Variants in DOLPP1 observed in about 807,000 individuals in gnomAD.
The protein encoded by DOLPP1 is dolichyldiphosphatase 1.
DOLPP1 carries 15 observed loss-of-function variants against 34.1 expected under a neutral mutation model. The ratio of observed to expected loss-of-function variants is 0.44; its 90% confidence interval spans 0.29 to 0.68. The LOEUF (loss-of-function observed/expected upper bound fraction) is 0.68. Ranked by LOEUF, DOLPP1 falls within the 30% of genes least tolerant of loss-of-function variation. The pLI is 0.12. For missense variants in DOLPP1, 249 were observed against 307.1 expected (o/e 0.81, Z 1.41); for synonymous variants, 130 against 128.2 (o/e 1.01, Z -0.10).
rs761404222 is a variant in DOLPP1, at chr9:129,089,577, C to T, written c.*570C>T. 1.2e-4 allele frequency: 19 copies of T among 155,818 alleles called. No individual in the cohort carries two copies. Among genetic ancestry groups the T allele is most frequent in the Non-Finnish European group, 2.0e-4 (14 of 70,044 alleles). The allele number at this position is 155,818 out of a possible 1,614,324, so 9.7% of individuals were successfully genotyped here. On this transcript the variant is annotated 3_prime_UTR_variant, in exon 8 of 8. Coordinates refer to ENST00000372546, the MANE Select transcript of DOLPP1 (RefSeq NM_020438.5). The surrounding 1 kb of genome is among the most constrained non-coding windows in gnomAD (Gnocchi z 4.9). The stretch of plus-strand genomic sequence containing the variant: ...GCATACCCCACACCCTCCCTGCCAC[C>T]GTTGCCGTTCCAGAACCTCGGTCAG...
intron 1 of DOLPP1, among the ~76,000 whole-genome samples, chr9:129,084,397 TC>T (rs1313547669): frequency 5.9e-5 from 9 of 152,238 alleles, no homozygotes; most frequent in Non-Finnish European, 1.2e-4. Flanking sequence ...GCTCTGGAAT[TC>T]AGTTTCTTCA....
Position 129,089,726 on chromosome 9 carries a change from T to G in DOLPP1, c.*719T>G, listed in dbSNP as rs906943783. On this transcript the variant is annotated 3_prime_UTR_variant, in exon 8 of 8. Transcript: ENST00000372546. This position sits in a 1 kb window ranked among gnomAD's most constrained non-coding sequence, Gnocchi z 4.9. The stretch of plus-strand genomic sequence containing the variant: ...CTCTGGTCCCCTGTCCCTAAGACAA[T>G]AATCGCTTTCTGACAAAGGAGCCTG... 2 of 152,700 alleles carry G rather than the reference T, an allele frequency of 1.3e-5. No individual in the cohort carries two copies. The highest frequency in any genetic ancestry group is 4.8e-5 in the African/African-American group (2 of 41,464). 9.5% of individuals were successfully genotyped at this position (152,700 alleles called of 1,614,324 possible). A position where few individuals can be genotyped will look rare whatever the true frequency, so the allele number is the denominator to read the frequency against.
intron 1 of DOLPP1, among the ~76,000 whole-genome samples, chr9:129,081,469 G>A (rs1268243145): frequency 6.6e-6 from 1 of 152,154 alleles, no homozygotes; most frequent in Non-Finnish European, 1.5e-5. Context: ...CCGGGGCGCC[G>A]GTGGGCTGAA....
intron 1 of DOLPP1, 192 bp from the exon 2 acceptor site, chr9:129,084,476 G>A (rs1482882539): frequency 4.4e-6 from 3 of 678,466 alleles, no homozygotes; most frequent in African/African-American, 3.5e-5. Flanking sequence ...GTGCTAAGTA[G>A]TAGACAGCAT....
intron 6 of DOLPP1, among the ~76,000 whole-genome samples, chr9:129,086,484 C>T (rs146419863): frequency 2.5e-4 from 38 of 152,328 alleles, no homozygotes; most frequent in African/African-American, 7.5e-4. Flanking sequence ...GACTTAGAAG[C>T]CTGAGTCCTG....
At position 129,086,315 on chromosome 9, in the gene DOLPP1, G is replaced by A. The variant is rs770374040; in HGVS notation, c.590+48G>A. The A allele has an allele frequency of 3.1e-6, 5 of 1,606,328 alleles. No homozygotes were observed. The South Asian group carries it at 5.5e-5, about 18-fold the overall frequency. ...GGCACTGTGGGCCCTGTCCCCTCCT[G>A]TGGGTGGGGCCATCAGTGGGCGGAC... On this transcript the variant is annotated intron_variant, in intron 6 of 7. Coordinates refer to ENST00000372546, the MANE Select transcript of DOLPP1 (RefSeq NM_020438.5).
rs1001873509 is a variant in DOLPP1 at position 129,085,962 on chromosome 9, T to G, written c.462-177T>G. 6.6e-6 allele frequency among the ~76,000 whole-genome samples: 1 copy of G among 152,166 alleles called. No individual in the cohort carries two copies. Among genetic ancestry groups the G allele is most frequent in the African/African-American group, 2.4e-5 (1 of 41,436 alleles). On this transcript the variant is annotated intron_variant, in intron 5 of 7. Transcript: ENST00000372546. The surrounding 1 kb of genome is among the most constrained non-coding windows in gnomAD (Gnocchi z 7.0). The stretch of plus-strand genomic sequence containing the variant: ...ACAGATGGGAGAGCTGTGTTTGGGG[T>G]CCAGCGCCCTCCCACTTGGAAATGG...
rs377053379 is a variant in DOLPP1 at position 129,085,351 on chromosome 9, C to T, written c.362+45C>T. 579 of 1,585,006 alleles carry T rather than the reference C, an allele frequency of 3.7e-4. 1 individual carries two copies. In the South Asian group the frequency reaches 4.6e-3, roughly 13 times the overall value. On this transcript the variant is annotated intron_variant, in intron 4 of 7. Transcript: ENST00000372546. The surrounding 1 kb of genome is among the most constrained non-coding windows in gnomAD (Gnocchi z 7.0). The stretch of plus-strand genomic sequence containing the variant: ...AGGATGGCCCTGAACTTGCTCAGGC[C>T]GAGTTCTGCTAGGGACTCACTGCTA...
At chr9:129,087,385 G>A (rs938922756) in intron 7 of DOLPP1, among the ~76,000 whole-genome samples, 4 of 148,020 alleles carry the variant, frequency 2.7e-5, no homozygotes, top group African/African-American at 5.0e-5. Flanking sequence ...GCGCGATCTC[G>A]GCTCACTGCA....
At chr9:129,084,614 C>A in intron 1 of DOLPP1, 54 bp from the exon 2 acceptor site, 1 of 1,274,280 alleles carries the variant, frequency 7.8e-7, no homozygotes, top group Non-Finnish European at 1.2e-6. Context: ...GGGGGCTGGT[C>A]CCTCTTCTGA....
Position 129,086,214 on chromosome 9 carries a change from G to T in DOLPP1, c.537G>T (p.Trp179Cys). The change falls in exon 6 of 8, where the codon TGG (tryptophan) becomes TGT (cysteine). Residue 179 changes from tryptophan (W) to cysteine (C), a missense_variant. Trp to Cys is a radical substitution (Grantham distance 215). Transcript: ENST00000372546. Reference protein sequence around the residue: ...GIAGGLMAIAWFIFTQEVLTP... With the variant: ...GIAGGLMAIACFIFTQEVLTP... ...CTGGAGGCCTCATGGCCATCGCCTG[G>T]TTCATCTTCACCCAGGAGGTCCTCA... 6.2e-7 allele frequency: 1 copy of T among 1,613,606 alleles called. No homozygotes were observed. Among genetic ancestry groups the T allele is most frequent in the Non-Finnish European group, 8.5e-7 (1 of 1,179,994 alleles).
chr9:129,084,571 G>C, intron 1 of DOLPP1, 97 bp from the exon 2 acceptor site: 1 of 928,802 alleles, frequency 1.1e-6, no homozygotes. Flanking sequence ...AGGCCCTGCC[G>C]GGACCTCCTT....
Position 129,086,159 on chromosome 9 carries a change from C to G in DOLPP1, c.482C>G (p.Thr161Ser). Residue 161 changes from threonine to serine, a missense_variant, in exon 6 of 8, where the codon ACC (threonine) becomes AGC (serine). Physicochemically the swap from Thr to Ser is moderately conservative, Grantham distance 58 (BLOSUM62 1). Coordinates refer to ENST00000372546, the MANE Select transcript of DOLPP1 (RefSeq NM_020438.5). ...SYSRVYLLYH[T>S]WSQVLYGGIA... ...CCCAGGGTCTACCTGCTGTACCACA[C>G]CTGGAGCCAGGTGCTCTATGGAGGC... 6.2e-7 allele frequency: 1 copy of G among 1,613,446 alleles called. No homozygotes were observed. The highest frequency in any genetic ancestry group is 8.5e-7 in the Non-Finnish European group (1 of 1,179,876).
intron 1 of DOLPP1, among the ~76,000 whole-genome samples, chr9:129,083,237 A>G (rs1366588542): frequency 1.3e-5 from 2 of 152,178 alleles, no homozygotes; most frequent in Non-Finnish European, 2.9e-5. Flanking sequence ...CCCTGGTAGC[A>G]TCTTCAGGAA....
At chr9:129,084,575 C>T (rs1588430988) in intron 1 of DOLPP1, 93 bp from the exon 2 acceptor site, 2 of 956,776 alleles carry the variant, frequency 2.1e-6, no homozygotes, top group East Asian at 4.8e-5. Context: ...CCTGCCGGGA[C>T]CTCCTTTCTG....
chr9:129,085,080 G>A lies in DOLPP1; in HGVS notation c.235G>A (p.Val79Ile), dbSNP rs1489735834. The change falls in exon 3 of 8, where the codon GTC becomes ATC. Residue 79 changes from valine to isoleucine, a missense_variant. Coordinates refer to ENST00000372546, the MANE Select transcript of DOLPP1 (RefSeq NM_020438.5). This position sits in a 1 kb window ranked among gnomAD's most constrained non-coding sequence, Gnocchi z 7.0. ...NEGVNWLIKNVIQEPRPCGGP... is the reference protein window; with the variant it reads ...NEGVNWLIKNIIQEPRPCGGP... ...GGGGGTCAACTGGCTGATCAAAAAC[G>A]TCATCCAGGAGCCACGGCCCTGTGG... is the stretch of plus-strand genomic sequence containing the variant. The A allele has an allele frequency of 5.0e-6, 8 of 1,591,968 alleles. No homozygotes were observed. The highest frequency in any genetic ancestry group is 4.5e-5 in the East Asian group (2 of 44,702).
rs971013429 is a variant in DOLPP1 at position 129,089,275 on chromosome 9, G to C, written c.*268G>C. On this transcript the variant is annotated 3_prime_UTR_variant, in exon 8 of 8. Transcript: ENST00000372546. The surrounding 1 kb of genome is among the most constrained non-coding windows in gnomAD (Gnocchi z 4.9). ...CTGCCAGCCCCTGGCTGGGCAGAAA[G>C]TGCCCTCGGCATGGGCACCTGGGTG... is the stretch of plus-strand genomic sequence containing the variant. 5.0e-6 allele frequency: 2 copies of C among 401,530 alleles called. No individual in the cohort carries two copies. The highest frequency in any genetic ancestry group is 7.9e-5 in the East Asian group (2 of 25,420). 24.9% of individuals were successfully genotyped at this position (401,530 alleles called of 1,614,324 possible). A position where few individuals can be genotyped will look rare whatever the true frequency, so the allele number is the denominator to read the frequency against.
chr9:129,088,903 G>T, intron 7 of DOLPP1, 68 bp from the exon 8 acceptor site: 1 of 1,528,012 alleles, frequency 6.5e-7, no homozygotes. Context: ...ACTACGGGTG[G>T]GGTGGGGACA....
In DOLPP1 at chr9:129,085,322, G is replaced by T. The variant is rs777343699; in HGVS notation, c.362+16G>T. ...TGTATTTAAGGTGAGTTTCCACCCC[G>T]GTCAGGATGGCCCTGAACTTGCTCA... On this transcript the variant is annotated intron_variant, in intron 4 of 7. Transcript: ENST00000372546. This position sits in a 1 kb window ranked among gnomAD's most constrained non-coding sequence, Gnocchi z 7.0. The T allele has an allele frequency of 6.2e-7, 1 of 1,608,540 alleles. No individual in the cohort carries two copies. The highest frequency in any genetic ancestry group is 8.5e-7 in the Non-Finnish European group (1 of 1,175,214).
Sources: allele counts gnomAD v4.1 joint callset (sites outside exome capture counted in the v4.1 genomes callset), GRCh38; gene constraint gnomAD v4.1.1; non-coding constraint Gnocchi (gnomAD v3.1); transcripts MANE v1.5; gene names NCBI Gene and HGNC (gene_info 2026-07-23, HGNC 2026-07-21).